Variants in IL1RAP observed in about 807,000 individuals in gnomAD.
IL1RAP encodes the protein interleukin 1 receptor accessory protein.
In IL1RAP, 35 loss-of-function variants were observed where a neutral mutation model predicts 60.7. The observed-to-expected ratio is 0.58, with a 90% CI of 0.44 to 0.76. The LOEUF (loss-of-function observed/expected upper bound fraction) is 0.76. IL1RAP is among the 30% of genes least tolerant of loss of function. The pLI, the probability that IL1RAP is intolerant of heterozygous loss-of-function variation, is 0.00. For synonymous variants in IL1RAP, 268 were observed against 250.9 expected (o/e 1.07, Z -0.64); for missense variants, 572 against 693.9 (o/e 0.82, Z 1.97).
chr3:190,543,587 A>C (rs1413340889), intron 1 of IL1RAP, among the ~76,000 whole-genome samples: 1 of 152,178 alleles, frequency 6.6e-6, no homozygotes, highest in South Asian at 2.1e-4. Context: ...TCATGAAAGA[A>C]GTGGTTTCGG....
chr3:190,560,246 T>C lies in IL1RAP; in HGVS notation c.-2+4030T>C, dbSNP rs150191625. ...AGATCTGAATGGGATTAGGGCAGGA[T>C]TGGGACTCAAGGAAGTGATTTGACT... On this transcript the variant is annotated intron_variant, in intron 2 of 11. Coordinates refer to ENST00000447382, the MANE Select transcript of IL1RAP (RefSeq NM_002182.4). Among the ~76,000 whole-genome samples the C allele has an allele frequency of 1.7e-4, 26 of 152,302 alleles. No individual in the cohort carries two copies. The East Asian group carries it at 4.1e-3, about 24-fold the overall frequency.
chr3:190,624,982 C>G (rs557580306), intron 7 of IL1RAP: 2 of 170,382 alleles, frequency 1.2e-5, no homozygotes, highest in East Asian at 1.7e-4. Flanking sequence ...CCTACCCACA[C>G]TGCAGCGGGG....
At chr3:190,601,226 C>G (rs778707610) in intron 3 of IL1RAP, among the ~76,000 whole-genome samples, 1 of 152,190 alleles carries the variant, frequency 6.6e-6, no homozygotes, top group Non-Finnish European at 1.5e-5. Flanking sequence ...CTCAGGTGAT[C>G]CGCCCCCTCG....
At chr3:190,559,975 T>C (rs1215124360) in intron 2 of IL1RAP, among the ~76,000 whole-genome samples, 1 of 152,212 alleles carries the variant, frequency 6.6e-6, no homozygotes, top group Admixed American at 6.5e-5. Context: ...CATTTGCTGA[T>C]AAATATTAGA....
chr3:190,529,515 T>G (rs1166879456), intron 1 of IL1RAP, among the ~76,000 whole-genome samples: 1 of 151,618 alleles, frequency 6.6e-6, no homozygotes, highest in African/African-American at 2.4e-5. Context: ...TGAAACCCCA[T>G]CTCTACTAAA....
At chr3:190,628,390 C>T (rs552239779) in intron 8 of IL1RAP, among the ~76,000 whole-genome samples, 5 of 152,298 alleles carry the variant, frequency 3.3e-5, no homozygotes, top group South Asian at 2.1e-4. Context: ...CACCTTGCTG[C>T]TGTTGAAACG....
At chr3:190,551,782 T>A (rs1724889260) in intron 1 of IL1RAP, among the ~76,000 whole-genome samples, 1 of 152,136 alleles carries the variant, frequency 6.6e-6, no homozygotes, top group Non-Finnish European at 1.5e-5. Context: ...AACAATTGTC[T>A]GTGAATAACA....
rs370956907 is a variant in IL1RAP at position 190,528,881 on chromosome 3, G to A, written c.-89+14662G>A. Among the ~76,000 whole-genome samples, 8 of 152,344 alleles carry A rather than the reference G, an allele frequency of 5.3e-5. No individual in the cohort carries two copies. The East Asian group carries it at 9.6e-4, about 18-fold the overall frequency. ...TAAGGAGAAGTGGTAAATGAATTATGGTCTGACCGGGGTGAGTGAATGATA... is the reference window on the plus strand; with the variant it reads ...TAAGGAGAAGTGGTAAATGAATTATAGTCTGACCGGGGTGAGTGAATGATA... On this transcript the variant is annotated intron_variant, in intron 1 of 11. Coordinates refer to ENST00000447382, the MANE Select transcript of IL1RAP (RefSeq NM_002182.4).
At chr3:190,656,096 C>T (rs1734610907), downstream of IL1RAP, 2 of 1,537,194 alleles carry the variant, frequency 1.3e-6, no homozygotes, top group East Asian at 2.4e-5. Flanking sequence ...CTCAAAGAGT[C>T]TGTGTCTTTT....
intron 11 of IL1RAP, 146 bp from the exon 12 acceptor site, chr3:190,648,192 T>C (rs1462277909): frequency 5.1e-6 from 5 of 979,248 alleles, no homozygotes; most frequent in East Asian, 4.9e-5. Context: ...GGTATAAGGA[T>C]TAAGTTGTTC....
At chr3:190,657,177 T>C (rs1475100894) in exon 12 of IL1RAP, 1 of 152,244 alleles carries the variant, frequency 6.6e-6, no homozygotes. Context: ...TTAGCATCAA[T>C]AAAATTCTAT....
chr3:190,521,385 A>G (rs1722004170), intron 1 of IL1RAP, among the ~76,000 whole-genome samples: 1 of 151,802 alleles, frequency 6.6e-6, no homozygotes, highest in Non-Finnish European at 1.5e-5. Flanking sequence ...CTACATATTT[A>G]CTACAGCCAA....
chr3:190,522,431 C>CTATG (rs1311186829), intron 1 of IL1RAP, among the ~76,000 whole-genome samples: 1 of 143,396 alleles, frequency 7.0e-6, no homozygotes, highest in African/African-American at 2.7e-5. Context: ...ATCTATCTAT[C>CTATG]TATCTATCTA....
At chr3:190,593,552 G>A (rs879587393) in intron 3 of IL1RAP, among the ~76,000 whole-genome samples, 4 of 152,116 alleles carry the variant, frequency 2.6e-5, no homozygotes, top group African/African-American at 4.8e-5. Context: ...ACATGGCTAG[G>A]GAGCCCTCAC....
chr3:190,577,675 G>A (rs1256869573), intron 3 of IL1RAP, among the ~76,000 whole-genome samples: 29 of 151,982 alleles, frequency 1.9e-4, no homozygotes, highest in Non-Finnish European at 8.8e-5. Context: ...GGACTATAGG[G>A]GCATGCCACC....
chr3:190,585,125 AC>A (rs757291657), intron 3 of IL1RAP, among the ~76,000 whole-genome samples: 19 of 152,160 alleles, frequency 1.2e-4, no homozygotes, highest in Non-Finnish European at 2.4e-4. Context: ...AACAATAAAG[AC>A]TGTGGATGAT....
chr3:190,604,010 T>C, intron 3 of IL1RAP, 118 bp from the exon 4 acceptor site: 1 of 965,508 alleles, frequency 1.0e-6, no homozygotes, highest in Non-Finnish European at 1.5e-6. Context: ...GGCTGGAAGA[T>C]GACCAGAGAA....
At chr3:190,630,577 T>TA (rs1732701198) in intron 9 of IL1RAP, among the ~76,000 whole-genome samples, 1 of 152,224 alleles carries the variant, frequency 6.6e-6, no homozygotes, top group Non-Finnish European at 1.5e-5. Context: ...ACTTTAAAAC[T>TA]AAATAGCAAA....
chr3:190,614,045 T>G (rs1731053830), intron 5 of IL1RAP, among the ~76,000 whole-genome samples: 1 of 151,734 alleles, frequency 6.6e-6, no homozygotes. Context: ...TGCCTTCTAT[T>G]TTCTGCCTTT....
Sources: gnomAD v4.1 joint callset for allele counts (sites outside exome capture counted in the v4.1 genomes callset) on GRCh38, gnomAD v4.1.1 for gene constraint, MANE v1.5 for transcripts, NCBI Gene and HGNC (gene_info 2026-07-23, HGNC 2026-07-21) for gene names.